Variants in RECK observed in about 807,000 individuals in gnomAD.
The protein encoded by RECK is reversion-inducing cysteine-rich protein with Kazal motifs.
In RECK, 69 loss-of-function variants were observed where a neutral mutation model predicts 115.1. The observed-to-expected ratio is 0.60, with a 90% CI of 0.49 to 0.73. The LOEUF (loss-of-function observed/expected upper bound fraction) is 0.73, where lower values mean the gene tolerates loss of function less well. Ranked by LOEUF, RECK falls within the 30% of genes least tolerant of loss-of-function variation. The probability of loss-of-function intolerance (pLI) is 0.00; values close to 1 mark genes in which losing one functional copy is unlikely to be tolerated. For synonymous variants in RECK, 414 were observed against 419.7 expected (o/e 0.99, Z 0.17); for missense variants, 1,047 against 1,203.7 (o/e 0.87, Z 1.93).
In RECK at chr9:36,094,619, C is replaced by T. The variant is rs1485714226; in HGVS notation, c.1085+3276C>T. Among the ~76,000 whole-genome samples the T allele has an allele frequency of 1.3e-5, 2 of 151,972 alleles. No homozygotes were observed. Among genetic ancestry groups the T allele is most frequent in the African/African-American group, 4.8e-5 (2 of 41,400 alleles). On this transcript the variant is annotated intron_variant, in intron 10 of 20. Coordinates refer to ENST00000377966, the MANE Select transcript of RECK (RefSeq NM_021111.3). This position sits in a 1 kb window ranked among gnomAD's most constrained non-coding sequence, Gnocchi z 4.1. ...CCAACTGTATCAATAATTACATAAA[C>T]GTAAATGAACTAAAAACATCGATTG...
rs144540015 is a variant in RECK at position 36,113,984 on chromosome 9, G to A, written c.2060+1508G>A. On this transcript the variant is annotated intron_variant, in intron 16 of 20. Coordinates refer to ENST00000377966, the MANE Select transcript of RECK (RefSeq NM_021111.3). ...GAGCCCATTTGTTTCTTCAGCAGGC[G>A]GCTTTCCATGTGGTCATTCAGAGAC... 4.6e-3 allele frequency among the ~76,000 whole-genome samples: 703 copies of A among 152,278 alleles called. 5 individuals are homozygous for A. Among genetic ancestry groups the A allele is most frequent in the African/African-American group, 0.016 (661 of 41,532 alleles).
intron 1 of RECK, among the ~76,000 whole-genome samples, chr9:36,051,134 T>C (rs952289955): frequency 4.6e-5 from 7 of 152,182 alleles, no homozygotes; most frequent in Non-Finnish European, 8.8e-5. Context: ...CTCATAAAAT[T>C]TTTTTAAGTT....
intron 4 of RECK, among the ~76,000 whole-genome samples, chr9:36,061,025 C>A (rs1821736707): frequency 6.6e-6 from 1 of 152,164 alleles, no homozygotes; most frequent in African/African-American, 2.4e-5. Context: ...TAGTTCAAGT[C>A]TTTATTCTTA....
At chr9:36,067,549 C>T (rs757603099) in intron 6 of RECK, among the ~76,000 whole-genome samples, 1 of 152,048 alleles carries the variant, frequency 6.6e-6, no homozygotes, top group Non-Finnish European at 1.5e-5. Flanking sequence ...AAGATTTTGT[C>T]TTGTTCTAGC....
chr9:36,121,397 C>G, intron 19 of RECK, 136 bp from the exon 20 acceptor site: 1 of 744,856 alleles, frequency 1.3e-6, no homozygotes, highest in East Asian at 2.7e-5. Context: ...TTTGGCCTAG[C>G]AAAGCTGCGG....
chr9:36,036,944 C>T lies in RECK; in HGVS notation c.-55C>T, dbSNP rs958451740. 1.3e-5 allele frequency: 16 copies of T among 1,194,812 alleles called. No homozygotes were observed. In the Admixed American group the frequency reaches 2.5e-4, roughly 19 times the overall value. The allele number at this position is 1,194,812 out of a possible 1,614,324, so 74.0% of individuals were successfully genotyped here. A position where few individuals can be genotyped will look rare whatever the true frequency, so the allele number is the denominator to read the frequency against. The stretch of plus-strand genomic sequence containing the variant: ...GCGGCGGCGGTAGCGGCGGCAGCGG[C>T]TGCGGCCAAGCTGGGTCCGAGCATC... On this transcript the variant is annotated 5_prime_UTR_variant, in exon 1 of 21. Coordinates refer to ENST00000377966, the MANE Select transcript of RECK (RefSeq NM_021111.3).
intron 1 of RECK, among the ~76,000 whole-genome samples, chr9:36,039,800 T>G (rs1165199905): frequency 6.6e-6 from 1 of 152,202 alleles, no homozygotes; most frequent in East Asian, 1.9e-4. Flanking sequence ...AGCAAACGCC[T>G]ATCTGGAGCA....
At chr9:36,076,430 G>C (rs974480576) in intron 6 of RECK, among the ~76,000 whole-genome samples, 1 of 152,180 alleles carries the variant, frequency 6.6e-6, no homozygotes, top group Admixed American at 6.5e-5. Flanking sequence ...AACCAGTGTG[G>C]CATGAAGGAT....
At chr9:36,076,588 A>C (rs1822458842) in intron 6 of RECK, among the ~76,000 whole-genome samples, 1 of 152,054 alleles carries the variant, frequency 6.6e-6, no homozygotes, top group Admixed American at 6.6e-5. Context: ...ACCTAGTAAT[A>C]TATTGGAGCT....
At position 36,090,369 on chromosome 9, in the gene RECK, G is replaced by C. The variant is rs562622345; in HGVS notation, c.906-795G>C. 3.3e-5 allele frequency among the ~76,000 whole-genome samples: 5 copies of C among 152,228 alleles called. No individual in the cohort carries two copies. In the South Asian group the frequency reaches 1.0e-3, roughly 32 times the overall value. On this transcript the variant is annotated intron_variant, in intron 9 of 20. Transcript: ENST00000377966. Reference sequence around the variant, plus strand: ...TAGACACTCAATAAACATTGGTGGGGTGAATGAACAAATGTAAAAGTAAAG... The same window carrying C: ...TAGACACTCAATAAACATTGGTGGGCTGAATGAACAAATGTAAAAGTAAAG...
At chr9:36,037,167 G>C in intron 1 of RECK, 69 bp downstream of exon 1, 2 of 1,099,910 alleles carry the variant, frequency 1.8e-6, no homozygotes, top group Non-Finnish European at 2.3e-6. Context: ...AAGATGGCGC[G>C]GGGCAGGGGG....
At chr9:36,103,635 G>T (rs1344400955) in intron 12 of RECK, among the ~76,000 whole-genome samples, 2 of 150,996 alleles carry the variant, frequency 1.3e-5, no homozygotes, top group Non-Finnish European at 3.0e-5. Flanking sequence ...GTATGTGCTG[G>T]ATTTGTAGCT....
At chr9:36,043,269 C>CCTGACCTCCTGATCCACCCG (rs1156775027) in intron 1 of RECK, among the ~76,000 whole-genome samples, 2 of 141,272 alleles carry the variant, frequency 1.4e-5, no homozygotes, top group African/African-American at 5.3e-5. Flanking sequence ...GTCTCAATCT[C>CCTGACCTCCTGATCCACCCG]CTGACCTCCT....
chr9:36,116,992 C>T lies in RECK; in HGVS notation c.2068C>T (p.Pro690Ser), dbSNP rs763634592. The change falls in exon 17 of 21, where the codon CCC becomes TCC. Residue 690 changes from proline to serine, a missense_variant. Coordinates refer to ENST00000377966, the MANE Select transcript of RECK (RefSeq NM_021111.3). ...TGCATTCGTCTTTTTCAGGTGCATA[C>T]CCAAACCACAGGTCTGCCTGACGAC... Reference protein sequence around the residue: ...NPCQKNQRCIPKPQVCLTTFD... With the variant: ...NPCQKNQRCISKPQVCLTTFD... 2.5e-6 allele frequency: 4 copies of T among 1,609,368 alleles called. No individual in the cohort carries two copies. Among genetic ancestry groups the T allele is most frequent in the Non-Finnish European group, 3.4e-6 (4 of 1,176,842 alleles).
In RECK at chr9:36,066,082, T is replaced by G. The variant is rs544974919; in HGVS notation, c.405+458T>G. Among the ~76,000 whole-genome samples the G allele has an allele frequency of 4.8e-4, 73 of 152,226 alleles. 1 individual carries two copies. In the South Asian group the frequency reaches 0.015, roughly 30 times the overall value. Reference sequence around the variant, plus strand: ...TCAGACTTTCCTAGAATCTTGCATTTGGGGGAAAAAATACTAAGTTACAAA... The same window carrying G: ...TCAGACTTTCCTAGAATCTTGCATTGGGGGGAAAAAATACTAAGTTACAAA... On this transcript the variant is annotated intron_variant, in intron 6 of 20. Transcript: ENST00000377966.
rs1564140666 is a variant in RECK at position 36,121,525 on chromosome 9, C to T, written c.2539-8C>T. The T allele has an allele frequency of 1.9e-6, 3 of 1,611,900 alleles. No individual in the cohort carries two copies. Among genetic ancestry groups the T allele is most frequent in the Non-Finnish European group, 2.5e-6 (3 of 1,178,684 alleles). On this transcript the variant is annotated splice_region_variant and splice_polypyrimidine_tract_variant and intron_variant, in intron 19 of 20. Transcript: ENST00000377966. ...TTTTTTCAGGTAATACATGTTTTCTCTTTCCAGGTAACAAATAAAAAGCCA... is the reference window on the plus strand; with the variant it reads ...TTTTTTCAGGTAATACATGTTTTCTTTTTCCAGGTAACAAATAAAAAGCCA...
At chr9:36,093,600 C>G (rs1006288320) in intron 10 of RECK, among the ~76,000 whole-genome samples, 2 of 152,090 alleles carry the variant, frequency 1.3e-5, no homozygotes, top group Admixed American at 6.6e-5. Context: ...TAGAAACTAT[C>G]TAAACCAAAG....
At chr9:36,083,698 G>T (rs1822826112) in intron 8 of RECK, 136 bp downstream of exon 8, 2 of 979,864 alleles carry the variant, frequency 2.0e-6, no homozygotes, top group South Asian at 3.5e-5. Context: ...TTTAGATTTG[G>T]CAGATTGAAT....
chr9:36,061,085 CATT>C (rs1465187732), intron 4 of RECK, among the ~76,000 whole-genome samples: 2 of 152,118 alleles, frequency 1.3e-5, no homozygotes, highest in Admixed American at 6.5e-5. Context: ...TGTTTCAACA[CATT>C]ATATCTTTCT....
Sources: allele counts gnomAD v4.1 joint callset (sites outside exome capture counted in the v4.1 genomes callset), GRCh38; gene constraint gnomAD v4.1.1; non-coding constraint Gnocchi (gnomAD v3.1); transcripts MANE v1.5; gene names NCBI Gene and HGNC (gene_info 2026-07-23, HGNC 2026-07-21).